Variants in SHPK observed in about 807,000 individuals in gnomAD.
SHPK encodes the protein carbohydrate kinase-like protein.
In SHPK, 51 loss-of-function variants were observed where a neutral mutation model predicts 46.3. The ratio of observed to expected loss-of-function variants is 1.10; its 90% CI spans 0.88 to 1.39. The LOEUF (loss-of-function observed/expected upper bound fraction) is 1.39, where lower values mean the gene tolerates loss of function less well. Among genes scored for constraint, SHPK ranks in the 40% most tolerant of loss-of-function variants. The pLI, the probability that SHPK is intolerant of heterozygous loss-of-function variation, is 0.00. For missense variants in SHPK, 668 were observed against 641.3 expected, an observed-to-expected ratio of 1.04 and a Z score of -0.45; for synonymous variants, 290 against 273.9, an observed-to-expected ratio of 1.06 and a Z score of -0.58.
intron 1 of SHPK, among the ~76,000 whole-genome samples, chr17:3,632,541 G>A (rs2075479045): frequency 6.6e-6 from 1 of 152,154 alleles, no homozygotes; most frequent in Non-Finnish European, 1.5e-5. Flanking sequence ...CAGGCTGGAT[G>A]TGGTAAAGAC....
At chr17:3,616,147 C>T (rs1046069989) in intron 5 of SHPK, among the ~76,000 whole-genome samples, 8 of 152,088 alleles carry the variant, frequency 5.3e-5, no homozygotes, top group Admixed American at 1.3e-4. Flanking sequence ...CCACCGTGCC[C>T]GGCCGATACT....
chr17:3,623,248 C>A (rs1382078789), intron 4 of SHPK, 91 bp downstream of exon 4: 9 of 1,462,772 alleles, frequency 6.2e-6, no homozygotes, highest in Middle Eastern at 4.7e-4. Context: ...TCCACCACTC[C>A]CAGATGGGAA....
Position 3,610,442 on chromosome 17 carries a change from C to T in SHPK, c.*118G>A. On this transcript the variant is annotated 3_prime_UTR_variant, in exon 7 of 7. Transcript: ENST00000225519. ...TCTTGGCCGAGATGGGACCTCACAA[C>T]AAGCACTGCTTGAAAGCTGTCCACT... is the stretch of plus-strand genomic sequence containing the variant. 9.2e-7 allele frequency: 1 copy of T among 1,083,644 alleles called. No individual in the cohort carries two copies. The highest frequency in any genetic ancestry group is 1.3e-6 in the Non-Finnish European group (1 of 752,340). 67.1% of individuals were successfully genotyped at this position (1,083,644 alleles called of 1,614,324 possible).
chr17:3,633,621 A>G (rs1375750722), intron 1 of SHPK, among the ~76,000 whole-genome samples: 1 of 152,068 alleles, frequency 6.6e-6, no homozygotes, highest in African/African-American at 2.4e-5. Flanking sequence ...AATAGGTGTG[A>G]CACACTGGGT....
intron 5 of SHPK, among the ~76,000 whole-genome samples, chr17:3,615,879 G>A (rs2075369055): frequency 7.1e-6 from 1 of 140,228 alleles, no homozygotes; most frequent in Non-Finnish European, 1.5e-5. Flanking sequence ...TTTTGAGACA[G>A]AGTCTCGCTC....
chr17:3,631,899 T>G (rs1296873345), intron 1 of SHPK, among the ~76,000 whole-genome samples: 1 of 152,082 alleles, frequency 6.6e-6, no homozygotes, highest in Non-Finnish European at 1.5e-5. Flanking sequence ...TTAATTTCAC[T>G]TGTTTATTTT....
chr17:3,630,177 C>T (rs1279692213), intron 2 of SHPK, 28 bp downstream of exon 2: 1 of 1,613,664 alleles, frequency 6.2e-7, no homozygotes, highest in Admixed American at 1.7e-5. Flanking sequence ...CTGCTACCAG[C>T]CTGAGAGCAT....
In SHPK at chr17:3,636,177, T is replaced by G; in HGVS notation, c.43A>C (p.Thr15Pro). The stretch of plus-strand genomic sequence containing the variant: ...CTCAGCAGAGCTGCCTTCACAGATG[T>G]GGTGCCCAGGTCAATGCCGAGGGTG... ...PITLGIDLGTTSVKAALLRAA... is the reference protein window; with the variant it reads ...PITLGIDLGTPSVKAALLRAA... The change falls in exon 1 of 7, where the codon ACA becomes CCA. Residue 15 changes from threonine (T) to proline (P), a missense_variant. Coordinates refer to ENST00000225519, the MANE Select transcript of SHPK (RefSeq NM_013276.4). The G allele has an allele frequency of 6.2e-7, 1 of 1,612,006 alleles. No individual in the cohort carries two copies. The highest frequency in any genetic ancestry group is 1.1e-5 in the South Asian group (1 of 90,908).
At chr17:3,631,363 GT>G (rs2075470691) in intron 1 of SHPK, among the ~76,000 whole-genome samples, 1 of 151,938 alleles carries the variant, frequency 6.6e-6, no homozygotes, top group South Asian at 2.1e-4. Context: ...AGGAAGAAGG[GT>G]TCTGGGAATA....
chr17:3,613,048 C>A (rs2075350160), intron 6 of SHPK, among the ~76,000 whole-genome samples: 1 of 152,142 alleles, frequency 6.6e-6, no homozygotes. Flanking sequence ...CCACGCCCAG[C>A]CAGGGATCTT....
At position 3,636,246 on chromosome 17, in the gene SHPK, T is replaced by C. The variant is rs1008232247; in HGVS notation, c.-27A>G. On this transcript the variant is annotated 5_prime_UTR_variant, in exon 1 of 7. Coordinates refer to ENST00000225519, the MANE Select transcript of SHPK (RefSeq NM_013276.4). ...ATCTCCCTGACCCGCGCAGCTCCAGTCTGCAGCCAGCGGCCCCACAAGTCC... is the reference window on the plus strand; with the variant it reads ...ATCTCCCTGACCCGCGCAGCTCCAGCCTGCAGCCAGCGGCCCCACAAGTCC... 1.9e-6 allele frequency: 3 copies of C among 1,575,528 alleles called. No individual in the cohort carries two copies. The highest frequency in any genetic ancestry group is 1.1e-5 in the South Asian group (1 of 88,020).
At chr17:3,628,876 T>C (rs1161682948) in intron 2 of SHPK, among the ~76,000 whole-genome samples, 1 of 152,170 alleles carries the variant, frequency 6.6e-6, no homozygotes, top group African/African-American at 2.4e-5. Flanking sequence ...CTTGAACTCC[T>C]GGCCTCAAGC....
intron 1 of SHPK, among the ~76,000 whole-genome samples, chr17:3,634,812 G>C (rs1333724755): frequency 6.6e-6 from 1 of 151,984 alleles, no homozygotes; most frequent in African/African-American, 2.4e-5. Context: ...CCTCAGAAAT[G>C]CTTCTGAGCC....
At chr17:3,619,002 G>A (rs531412220) in intron 5 of SHPK, among the ~76,000 whole-genome samples, 111 of 149,432 alleles carry the variant, frequency 7.4e-4, no homozygotes, top group Middle Eastern at 3.5e-3. Flanking sequence ...CAAAGAGGCC[G>A]TACCTTTTTA....
Position 3,631,841 on chromosome 17 carries a change from C to A in SHPK, c.169-1495G>T, listed in dbSNP as rs375772288. ...CCAGCCTTGATTATCACACATCAAA[C>A]TGATAATGTGCTGGATACACTGGGT... On this transcript the variant is annotated intron_variant, in intron 1 of 6. Coordinates refer to ENST00000225519, the MANE Select transcript of SHPK (RefSeq NM_013276.4). Among the ~76,000 whole-genome samples, 137 of 151,540 alleles carry A rather than the reference C, an allele frequency of 9.0e-4. 7 individuals are homozygous for A. In the South Asian group the frequency reaches 0.023, roughly 26 times the overall value.
chr17:3,634,499 G>A (rs1199292961), intron 1 of SHPK, among the ~76,000 whole-genome samples: 1 of 150,112 alleles, frequency 6.7e-6, no homozygotes, highest in South Asian at 2.1e-4. Flanking sequence ...TTGAACCCGG[G>A]AGGCAGAGGT....
At chr17:3,633,597 T>C (rs1288262031) in intron 1 of SHPK, among the ~76,000 whole-genome samples, 1 of 152,062 alleles carries the variant, frequency 6.6e-6, no homozygotes, top group East Asian at 1.9e-4. Flanking sequence ...TGGCCTCCGC[T>C]AAGCACTTCA....
chr17:3,626,843 C>A (rs1325719278), intron 2 of SHPK, among the ~76,000 whole-genome samples: 1 of 151,786 alleles, frequency 6.6e-6, no homozygotes, highest in African/African-American at 2.4e-5. Flanking sequence ...TGCAGTGAGC[C>A]CAGATCGCTC....
chr17:3,615,585 G>T (rs1231390938), intron 5 of SHPK, 48 bp from the exon 6 acceptor site: 2 of 1,556,810 alleles, frequency 1.3e-6, no homozygotes, highest in Non-Finnish European at 1.8e-6. Context: ...CTAACTCAGA[G>T]GTCACAAGTC....
Sources: gnomAD v4.1 joint callset for allele counts (sites outside exome capture counted in the v4.1 genomes callset) on GRCh38, gnomAD v4.1.1 for gene constraint, MANE v1.5 for transcripts, NCBI Gene and HGNC (gene_info 2026-07-23, HGNC 2026-07-21) for gene names.